Variants in GRIK3 observed in about 807,000 individuals in gnomAD.
The protein encoded by GRIK3 is glutamate receptor ionotropic, kainate 3.
In GRIK3, 29 loss-of-function variants were observed where a neutral mutation model predicts 102.5. That is an observed-to-expected ratio of 0.28 (90% CI 0.21 to 0.39). The LOEUF (loss-of-function observed/expected upper bound fraction) is 0.39, where lower values mean the gene tolerates loss of function less well. Among genes scored for constraint, GRIK3 ranks in the 10% least tolerant of loss-of-function variants. The probability of loss-of-function intolerance (pLI) is 1.00; values close to 1 mark genes in which losing one functional copy is unlikely to be tolerated. For synonymous variants in GRIK3, 511 were observed against 504.9 expected, an observed-to-expected ratio of 1.01 and a Z score of -0.16; for missense variants, 908 against 1,252.4, an observed-to-expected ratio of 0.73 and a Z score of 4.15.
intron 1 of GRIK3, among the ~76,000 whole-genome samples, chr1:36,985,343 C>T (rs766531549): frequency 2.6e-5 from 4 of 152,136 alleles, no homozygotes; most frequent in Non-Finnish European, 4.4e-5. Flanking sequence ...GTGCTAAAAG[C>T]CTGGTCTTTC....
At chr1:36,813,441 T>C (rs1050071025) in intron 13 of GRIK3, among the ~76,000 whole-genome samples, 2 of 152,180 alleles carry the variant, frequency 1.3e-5, no homozygotes, top group African/African-American at 2.4e-5. Context: ...TGCCATATAC[T>C]CTCATGGTCA....
At chr1:36,865,884 CT>C (rs552424370) in intron 5 of GRIK3, among the ~76,000 whole-genome samples, 112 of 152,244 alleles carry the variant, frequency 7.4e-4, no homozygotes, top group African/African-American at 2.7e-3. Flanking sequence ...TTTCTTCTTG[CT>C]TTCTTTTTTA....
chr1:36,915,557 C>G (rs1475365580), intron 1 of GRIK3, among the ~76,000 whole-genome samples: 1 of 152,122 alleles, frequency 6.6e-6, no homozygotes, highest in Non-Finnish European at 1.5e-5. Context: ...TGTCCCCACC[C>G]AAATCTCATC....
chr1:36,990,599 C>T (rs1420106895), intron 1 of GRIK3, among the ~76,000 whole-genome samples: 1 of 152,164 alleles, frequency 6.6e-6, no homozygotes, highest in African/African-American at 2.4e-5. Flanking sequence ...AGGGAGCTGC[C>T]TGGGCTGGGA....
intron 1 of GRIK3, among the ~76,000 whole-genome samples, chr1:37,013,063 T>A (rs1300032485): frequency 2.0e-5 from 3 of 152,190 alleles, no homozygotes; most frequent in Non-Finnish European, 4.4e-5. Context: ...TCCACATGGC[T>A]GGGGAGGCCT....
chr1:36,907,376 T>C (rs775259252), intron 1 of GRIK3, among the ~76,000 whole-genome samples: 1 of 152,070 alleles, frequency 6.6e-6, no homozygotes, highest in Non-Finnish European at 1.5e-5. Flanking sequence ...AGTAAGAAAT[T>C]CACCACAGCA....
At chr1:36,879,398 G>A (rs1194597378) in intron 3 of GRIK3, among the ~76,000 whole-genome samples, 1 of 152,174 alleles carries the variant, frequency 6.6e-6, no homozygotes, top group East Asian at 1.9e-4. Flanking sequence ...GGAGACTGAG[G>A]TGGGAGGATC....
chr1:36,891,317 G>A (rs897725145), intron 1 of GRIK3, among the ~76,000 whole-genome samples: 10 of 152,176 alleles, frequency 6.6e-5, no homozygotes, highest in Admixed American at 1.3e-4. Context: ...AACAGAGCCC[G>A]ACAGGGCCAA....
intron 2 of GRIK3, among the ~76,000 whole-genome samples, chr1:36,886,772 C>T (rs1050557482): frequency 6.6e-6 from 1 of 152,212 alleles, no homozygotes; most frequent in Non-Finnish European, 1.5e-5. Flanking sequence ...CTCAGTCAAG[C>T]TACAGAGCGT....
At position 36,805,206 on chromosome 1, in the gene GRIK3, G is replaced by C. The variant is rs769726920; in HGVS notation, c.2346C>G (p.Ala782=). The C allele has an allele frequency of 6.2e-7, 1 of 1,613,480 alleles. No homozygotes were observed. The highest frequency in any genetic ancestry group is 2.2e-5 in the East Asian group (1 of 44,862). ...TGTCCTCCTCCTGAAGCTGCAGGATGGCGATGGTGATCTTGTCCCGGTATG... is the reference window on the plus strand; with the variant it reads ...TGTCCTCCTCCTGAAGCTGCAGGATCGCGATGGTGATCTTGTCCCGGTATG... ...GSPYRDKITI[A]ILQLQEEDKL... is the part of the protein sequence containing the mutation. Residue 782 remains alanine, a synonymous_variant, in exon 15 of 16, where the codon GCC becomes GCG. Coordinates refer to ENST00000373091, the MANE Select transcript of GRIK3 (RefSeq NM_000831.4).
chr1:36,874,189 C>T (rs746355081), intron 3 of GRIK3, among the ~76,000 whole-genome samples: 15 of 152,194 alleles, frequency 9.9e-5, no homozygotes, highest in Admixed American at 2.0e-4. Context: ...GCAGAGAATC[C>T]CAGTTTCCAA....
intron 1 of GRIK3, among the ~76,000 whole-genome samples, chr1:37,008,020 G>C (rs988671969): frequency 6.6e-6 from 1 of 152,206 alleles, no homozygotes; most frequent in African/African-American, 2.4e-5. Flanking sequence ...AAAGGTGAAC[G>C]TGCCCAGCAC....
intron 5 of GRIK3, among the ~76,000 whole-genome samples, chr1:36,869,297 G>A (rs556979498): frequency 9.2e-5 from 14 of 152,274 alleles, no homozygotes; most frequent in Admixed American, 3.9e-4. Flanking sequence ...CGTGAGGCCC[G>A]AGATATGCGT....
At position 36,796,928 on chromosome 1, in the gene GRIK3, G is replaced by C. The variant is rs1642371019; in HGVS notation, c.*4923C>G. 6.6e-6 allele frequency: 1 copy of C among 152,182 alleles called. No homozygotes were observed. The highest frequency in any genetic ancestry group is 1.5e-5 in the Non-Finnish European group (1 of 68,044). 9.4% of individuals were successfully genotyped at this position (152,182 alleles called of 1,614,324 possible). ...AATGTAATATTGGCACAGGGGCTGA[G>C]TACTAGCATGACATTGCTTCTCAGA... On this transcript the variant is annotated 3_prime_UTR_variant, in exon 16 of 16. Coordinates refer to ENST00000373091, the MANE Select transcript of GRIK3 (RefSeq NM_000831.4).
rs570019458 is a variant in GRIK3 at position 36,798,636 on chromosome 1, G to A, written c.*3215C>T. ...GCATCATTTTCAGTGCCCCGGGAGAGACAGAGCTCATGCTTGGGCAGCTGT... is the reference window on the plus strand; with the variant it reads ...GCATCATTTTCAGTGCCCCGGGAGAAACAGAGCTCATGCTTGGGCAGCTGT... On this transcript the variant is annotated 3_prime_UTR_variant, in exon 16 of 16. Transcript: ENST00000373091. 3 of 152,376 alleles carry A rather than the reference G, an allele frequency of 2.0e-5. No homozygotes were observed. Among genetic ancestry groups the A allele is most frequent in the South Asian group, 4.1e-4 (2 of 4,824 alleles). The allele number at this position is 152,376 out of a possible 1,614,324, so 9.4% of individuals were successfully genotyped here. A position where few individuals can be genotyped will look rare whatever the true frequency, so the allele number is the denominator to read the frequency against.
intron 1 of GRIK3, among the ~76,000 whole-genome samples, chr1:36,991,133 C>T (rs920051779): frequency 6.6e-6 from 1 of 152,200 alleles, no homozygotes; most frequent in Admixed American, 6.5e-5. Flanking sequence ...AATCACTTCA[C>T]CTCTCTGAGC....
chr1:36,845,548 G>T (rs1163085284), intron 9 of GRIK3, among the ~76,000 whole-genome samples: 1 of 152,212 alleles, frequency 6.6e-6, no homozygotes, highest in Non-Finnish European at 1.5e-5. Context: ...ATTTGGGAAG[G>T]ATCCAGGGAT....
At chr1:36,846,521 T>C (rs1035153022) in intron 9 of GRIK3, among the ~76,000 whole-genome samples, 3 of 152,110 alleles carry the variant, frequency 2.0e-5, no homozygotes, top group Non-Finnish European at 2.9e-5. Flanking sequence ...AGTTTGATGT[T>C]GTGTACTGGT....
intron 1 of GRIK3, among the ~76,000 whole-genome samples, chr1:37,006,068 C>T (rs1642529481): frequency 1.3e-5 from 2 of 152,148 alleles, no homozygotes; most frequent in Admixed American, 1.3e-4. Flanking sequence ...GAAGGCGGTG[C>T]ATTTGAATCT....
Sources: allele counts gnomAD v4.1 joint callset (sites outside exome capture counted in the v4.1 genomes callset), GRCh38; gene constraint gnomAD v4.1.1; transcripts MANE v1.5; gene names NCBI Gene and HGNC (gene_info 2026-07-23, HGNC 2026-07-21).